NRG1: variants seen among roughly 807,000 people sequenced by gnomAD.
NRG1 encodes the protein neuregulin 1.
A neutral mutation model predicts 63.8 loss-of-function variants in NRG1; 18 were observed. That is an observed-to-expected ratio of 0.28 (90% CI 0.19 to 0.42). NRG1 has a LOEUF of 0.42. Ranked by LOEUF, NRG1 falls within the 10% of genes least tolerant of loss-of-function variation. The probability of loss-of-function intolerance (pLI) is 1.00; values close to 1 mark genes in which losing one functional copy is unlikely to be tolerated. For synonymous variants in NRG1, 302 were observed against 301.3 expected (o/e 1.00, Z -0.02); for missense variants, 762 against 814.7 (o/e 0.94, Z 0.79).
At chr8:31,986,379 C>A (rs1586273713) in intron 1 of NRG1, among the ~76,000 whole-genome samples, 1 of 152,020 alleles carries the variant, frequency 6.6e-6, no homozygotes, top group South Asian at 2.1e-4. Flanking sequence ...CATACATTGC[C>A]TCATGTAGAC....
intron 1 of NRG1, among the ~76,000 whole-genome samples, chr8:31,669,312 A>T (rs904947974): frequency 6.6e-6 from 1 of 151,350 alleles, no homozygotes; most frequent in Non-Finnish European, 1.5e-5. Context: ...ATCTTGGCTC[A>T]CTGCAACCTC....
Position 31,804,083 on chromosome 8 carries a change from C to T in NRG1, c.37+164652C>T, listed in dbSNP as rs117517587. ...TTATGTCTTTATCTATTGTCTTTTC[C>T]CAGTCTCCAACTAGATTGCAAAGTC... On this transcript the variant is annotated intron_variant, in intron 1 of 10. Coordinates refer to the NRG1 transcript ENST00000519301. 6.4e-3 allele frequency among the ~76,000 whole-genome samples: 968 copies of T among 152,234 alleles called. 5 individuals are homozygous for T. The highest frequency in any genetic ancestry group is 8.1e-3 in the Non-Finnish European group (549 of 68,024).
At chr8:31,945,200 G>A (rs1802354145) in intron 1 of NRG1, among the ~76,000 whole-genome samples, 2 of 152,076 alleles carry the variant, frequency 1.3e-5, no homozygotes, top group Admixed American at 1.3e-4. Context: ...TGTTTCCCTA[G>A]TTGATATGTT....
intron 1 of NRG1, among the ~76,000 whole-genome samples, chr8:32,505,136 T>A (rs1828369569): frequency 6.6e-6 from 1 of 152,162 alleles, no homozygotes; most frequent in Non-Finnish European, 1.5e-5. Context: ...CAATTGTTAT[T>A]TTCTGGGACA....
intron 1 of NRG1, among the ~76,000 whole-genome samples, chr8:32,412,558 T>C (rs117715999): frequency 0.022 from 3,287 of 150,808 alleles, 61 homozygotes; most frequent in Non-Finnish European, 0.037. Flanking sequence ...ATAGGATATA[T>C]TCCAAAAATG....
intron 1 of NRG1, among the ~76,000 whole-genome samples, chr8:31,966,488 A>G (rs548594927): frequency 6.6e-6 from 1 of 152,386 alleles, no homozygotes; most frequent in South Asian, 2.1e-4. Context: ...AATCTTTGAA[A>G]GCTACACATT....
chr8:32,068,263 A>T (rs544331378), intron 1 of NRG1, among the ~76,000 whole-genome samples: 121 of 152,348 alleles, frequency 7.9e-4, no homozygotes, highest in Non-Finnish European at 1.2e-3. Flanking sequence ...AGAACATGAG[A>T]TATTTTATCT....
intron 1 of NRG1, among the ~76,000 whole-genome samples, chr8:32,304,647 A>G (rs1855987718): frequency 6.6e-6 from 1 of 152,214 alleles, no homozygotes; most frequent in Middle Eastern, 3.2e-3. Context: ...AATTGAATTG[A>G]AAATATTTTC....
intron 1 of NRG1, among the ~76,000 whole-genome samples, chr8:32,353,981 A>G (rs1434601643): frequency 1.3e-5 from 2 of 152,150 alleles, no homozygotes; most frequent in African/African-American, 4.8e-5. Flanking sequence ...ATAGTGGAAT[A>G]CTACTCAGTA....
At chr8:32,284,139 T>C (rs1586615711) in intron 1 of NRG1, among the ~76,000 whole-genome samples, 1 of 152,188 alleles carries the variant, frequency 6.6e-6, no homozygotes, top group East Asian at 1.9e-4. Context: ...TGGGCTTCTG[T>C]GTCAGTCCTT....
chr8:32,685,952 T>G (rs1809997969), intron 5 of NRG1, among the ~76,000 whole-genome samples: 1 of 152,238 alleles, frequency 6.6e-6, no homozygotes, highest in African/African-American at 2.4e-5. Context: ...ATTTATAGTT[T>G]CTAATTTTTG....
intron 1 of NRG1, among the ~76,000 whole-genome samples, chr8:31,937,107 C>T (rs1346124800): frequency 6.6e-6 from 1 of 152,180 alleles, no homozygotes; most frequent in Non-Finnish European, 1.5e-5. Context: ...CCAGAGTCAG[C>T]CTTCTCTCTT....
At chr8:31,982,222 T>C (rs1391641604) in intron 1 of NRG1, among the ~76,000 whole-genome samples, 3 of 152,042 alleles carry the variant, frequency 2.0e-5, no homozygotes, top group Non-Finnish European at 4.4e-5. Flanking sequence ...CAGGATTAGA[T>C]TTGAAAAGAT....
Position 32,633,045 on chromosome 8 carries a change from T to C in NRG1, c.502+16160T>C, listed in dbSNP as rs1006403955. On this transcript the variant is annotated intron_variant, in intron 5 of 11. Transcript: ENST00000356819. Reference sequence around the variant, plus strand: ...ATGTAATTCATTTTTTTCTCTTTGATTTTTGACTACTTTTTTATGCTGATA... The same window carrying C: ...ATGTAATTCATTTTTTTCTCTTTGACTTTTGACTACTTTTTTATGCTGATA... 8.5e-5 allele frequency among the ~76,000 whole-genome samples: 13 copies of C among 152,224 alleles called. 1 individual carries two copies. The highest frequency in any genetic ancestry group is 1.5e-5 in the Non-Finnish European group (1 of 68,032).
intron 1 of NRG1, among the ~76,000 whole-genome samples, chr8:32,395,973 C>T (rs973454550): frequency 6.6e-6 from 1 of 152,106 alleles, no homozygotes; most frequent in Non-Finnish European, 1.5e-5. Flanking sequence ...GCATCTTTTG[C>T]CCAAAAGATA....
At chr8:31,935,606 G>A (rs1257255036) in intron 1 of NRG1, among the ~76,000 whole-genome samples, 4 of 152,180 alleles carry the variant, frequency 2.6e-5, no homozygotes, top group African/African-American at 4.8e-5. Flanking sequence ...CAGAGAGCAT[G>A]GATTACTGAC....
intron 1 of NRG1, among the ~76,000 whole-genome samples, chr8:32,292,408 T>C (rs1854309773): frequency 6.6e-6 from 1 of 152,202 alleles, no homozygotes; most frequent in African/African-American, 2.4e-5. Context: ...CCATATGTGA[T>C]AGATTCTAAA....
At chr8:32,548,128 C>T (rs572017895), upstream of NRG1, 3 of 795,084 alleles carry the variant, frequency 3.8e-6, no homozygotes, top group East Asian at 3.8e-4. Flanking sequence ...AGGGGCTGCG[C>T]CCGGGAGCGC....
At chr8:32,285,075 C>G (rs943377859) in intron 1 of NRG1, among the ~76,000 whole-genome samples, 8 of 152,174 alleles carry the variant, frequency 5.3e-5, no homozygotes, top group African/African-American at 1.9e-4. Context: ...ATCTGTAGCT[C>G]TTTGAAAAGA....
Sources: allele counts gnomAD v4.1 joint callset (sites outside exome capture counted in the v4.1 genomes callset), GRCh38; gene constraint gnomAD v4.1.1; transcripts MANE v1.5; gene names NCBI Gene and HGNC (gene_info 2026-07-23, HGNC 2026-07-21).